The following GSN variants were observed in gnomAD, a reference collection of about 807,000 sequenced individuals.
The protein encoded by GSN is gelsolin.
A neutral mutation model predicts 85.7 loss-of-function variants in GSN; 56 were observed. The observed-to-expected ratio is 0.65, with a 90% CI of 0.53 to 0.82. The LOEUF (loss-of-function observed/expected upper bound fraction) is 0.82, where lower values mean the gene tolerates loss of function less well. GSN is among the 40% of genes least tolerant of loss of function. The pLI, the probability that GSN is intolerant of heterozygous loss-of-function variation, is 0.00. For synonymous variants in GSN, 373 were observed against 399.1 expected, an observed-to-expected ratio of 0.93 and a Z score of 0.78; for missense variants, 857 against 979.8, an observed-to-expected ratio of 0.87 and a Z score of 1.67.
chr9:121,332,677 C>A lies in GSN; in HGVS notation c.*74C>A. On this transcript the variant is annotated 3_prime_UTR_variant, in exon 18 of 18. Coordinates refer to ENST00000432226, the MANE Select transcript of GSN (RefSeq NM_198252.3). This position sits in a 1 kb window ranked among gnomAD's most constrained non-coding sequence, Gnocchi z 4.8. The stretch of plus-strand genomic sequence containing the variant: ...TCCTTCCCTCAAAGAGGCCTTAGAG[C>A]GAGCAGAGCAGCTCTGCTATGAGTG... 1.7e-6 allele frequency: 2 copies of A among 1,166,870 alleles called. No homozygotes were observed. The highest frequency in any genetic ancestry group is 2.6e-4 in the Middle Eastern group (1 of 3,790). The allele number at this position is 1,166,870 out of a possible 1,614,324, so 72.3% of individuals were successfully genotyped here.
intron 1 of GSN, among the ~76,000 whole-genome samples, chr9:121,268,545 C>A (rs1279040355): frequency 6.6e-6 from 1 of 152,136 alleles, no homozygotes; most frequent in Non-Finnish European, 1.5e-5. Flanking sequence ...CCCGGGGTCA[C>A]CCCTGCACTT....
At position 121,312,371 on chromosome 9, in the gene GSN, T is replaced by C. The variant is rs752698745; in HGVS notation, c.546T>C (p.Asn182=). 1.2e-6 allele frequency: 2 copies of C among 1,613,908 alleles called. No homozygotes were observed. Among genetic ancestry groups the C allele is most frequent in the East Asian group, 4.5e-5 (2 of 44,876 alleles). Reference sequence around the variant, plus strand: ...ACCAGTGGTGTGGTTCCAACAGCAATCGGTATGAAAGACTGAAGGCCACAC... The same window carrying C: ...ACCAGTGGTGTGGTTCCAACAGCAACCGGTATGAAAGACTGAAGGCCACAC... ...NIHQWCGSNS[N]RYERLKATQV... is the part of the protein sequence containing the mutation. The change falls in exon 6 of 18, where the codon AAT becomes AAC. Residue 182 remains asparagine (N), a synonymous_variant. Transcript: ENST00000432226.
chr9:121,217,921 G>T (rs2054097920), intron 4 of GSN, among the ~76,000 whole-genome samples: 1 of 151,236 alleles, frequency 6.6e-6, no homozygotes, highest in African/African-American at 2.4e-5. Context: ...TCAAGCTTTT[G>T]CGTATATAAG....
intron 5 of GSN, chr9:121,238,592 AATACTCC>A: frequency 4.4e-6 from 1 of 225,662 alleles, no homozygotes; most frequent in Non-Finnish European, 8.8e-6. Context: ...CGTGTGAATC[AATACTCC>A]TTAATAAATT....
intron 4 of GSN, among the ~76,000 whole-genome samples, chr9:121,220,530 C>T (rs2054150920): frequency 6.8e-6 from 1 of 147,038 alleles, no homozygotes; most frequent in Non-Finnish European, 1.5e-5. Flanking sequence ...GCCACGGTCA[C>T]TCAGCCAATG....
intron 5 of GSN, among the ~76,000 whole-genome samples, chr9:121,237,802 T>C (rs2054525546): frequency 6.6e-6 from 1 of 152,142 alleles, no homozygotes; most frequent in Admixed American, 6.5e-5. Flanking sequence ...ACCCAGATAA[T>C]GAGGACATTA....
At position 121,300,781 on chromosome 9, in the gene GSN, G is replaced by T. The variant is rs532818247; in HGVS notation, c.-9-1182G>T. Among the ~76,000 whole-genome samples the T allele has an allele frequency of 7.2e-5, 11 of 152,214 alleles. No individual in the cohort carries two copies. The East Asian group carries it at 2.1e-3, about 29-fold the overall frequency. ...TGAAATTTGGGGGTGGTGTGTTGTG[G>T]GGCAGGAGGGAGGAGGCAGACAGCG... On this transcript the variant is annotated intron_variant, in intron 2 of 17. Coordinates refer to ENST00000432226, the MANE Select transcript of GSN (RefSeq NM_198252.3).
intron 13 of GSN, chr9:121,327,100 A>G (rs1373453266): frequency 1.4e-6 from 1 of 712,120 alleles, no homozygotes; most frequent in African/African-American, 1.7e-5. Context: ...GATTTTTAGA[A>G]TCATGTTGGC....
At chr9:121,282,132 G>T in intron 2 of GSN, 5 of 473,052 alleles carry the variant, frequency 1.1e-5, no homozygotes, top group South Asian at 3.7e-5. Flanking sequence ...TGGGGAGGTG[G>T]GGGGAGGAGT....
chr9:121,259,498 G>C (rs1450189837), intron 6 of GSN, among the ~76,000 whole-genome samples: 1 of 152,210 alleles, frequency 6.6e-6, no homozygotes, highest in Non-Finnish European at 1.5e-5. Context: ...TCCCAAGAAA[G>C]AGAGCTGGGG....
chr9:121,275,794 T>C (rs2056594423), intron 1 of GSN, among the ~76,000 whole-genome samples: 2 of 152,220 alleles, frequency 1.3e-5, no homozygotes, highest in African/African-American at 4.8e-5. Context: ...TAGATTTAAA[T>C]TGCATTTTAA....
At chr9:121,309,682 G>T (rs2060848393) in intron 4 of GSN, 1 of 152,112 alleles carries the variant, frequency 6.6e-6, no homozygotes, top group Non-Finnish European at 1.5e-5. Flanking sequence ...AAGAAAAGTG[G>T]TTCTTGGGCT....
Position 121,327,368 on chromosome 9 carries a change from G to A in GSN, c.1648G>A (p.Ala550Thr). The change falls in exon 14 of 18, where the codon GCC becomes ACC. Residue 550 changes from alanine (A) to threonine (T), a missense_variant. Ala to Thr is a moderately conservative substitution (Grantham distance 58). Coordinates refer to ENST00000432226, the MANE Select transcript of GSN (RefSeq NM_198252.3). Reference sequence around the variant, plus strand: ...TGCCTTTGTTCTGAAAACCCCCTCAGCCGCCTACCTGTGGGTGGGTACAGG... The same window carrying A: ...TGCCTTTGTTCTGAAAACCCCCTCAACCGCCTACCTGTGGGTGGGTACAGG... The part of the protein sequence containing the change: ...NDAFVLKTPS[A>T]AYLWVGTGAS... The A allele has an allele frequency of 1.2e-6, 2 of 1,613,968 alleles. No individual in the cohort carries two copies. Among genetic ancestry groups the A allele is most frequent in the Non-Finnish European group, 1.7e-6 (2 of 1,179,892 alleles).
chr9:121,277,773 C>G (rs2056851702), intron 1 of GSN, among the ~76,000 whole-genome samples: 1 of 152,060 alleles, frequency 6.6e-6, no homozygotes, highest in Non-Finnish European at 1.5e-5. Context: ...ACCCTTTCAC[C>G]AGAAGTTTTT....
chr9:121,226,474 G>A (rs1217806571), intron 4 of GSN, among the ~76,000 whole-genome samples: 1 of 152,194 alleles, frequency 6.6e-6, no homozygotes, highest in Non-Finnish European at 1.5e-5. Context: ...GGGAACTGAT[G>A]GATGGGGGAA....
chr9:121,279,775 G>C (rs535745804), intron 1 of GSN: 1 of 152,082 alleles, frequency 6.6e-6, no homozygotes, highest in South Asian at 2.1e-4. Flanking sequence ...GGCTGGATTC[G>C]AAAGGCTCAT....
intron 8 of GSN, chr9:121,317,690 G>A (rs2061881857): frequency 4.0e-6 from 1 of 247,470 alleles, no homozygotes; most frequent in Non-Finnish European, 8.0e-6. Context: ...TATCTTGTGG[G>A]AATTCTCTTG....
intron 4 of GSN, among the ~76,000 whole-genome samples, chr9:121,228,819 G>GT: frequency 6.6e-6 from 1 of 152,244 alleles, no homozygotes; most frequent in East Asian, 1.9e-4. Context: ...TTTTGCCACA[G>GT]TTTTTAAATC....
chr9:121,262,490 T>C (rs2055108634), intron 6 of GSN, among the ~76,000 whole-genome samples: 1 of 152,190 alleles, frequency 6.6e-6, no homozygotes, highest in Non-Finnish European at 1.5e-5. Context: ...TAGTTATTAT[T>C]ATGCATGCCA....
Sources: allele counts gnomAD v4.1 joint callset (sites outside exome capture counted in the v4.1 genomes callset), GRCh38; gene constraint gnomAD v4.1.1; non-coding constraint Gnocchi (gnomAD v3.1); transcripts MANE v1.5; gene names NCBI Gene and HGNC (gene_info 2026-07-23, HGNC 2026-07-21).